The following ARHGAP29 variants were observed in gnomAD, a reference collection of about 807,000 sequenced individuals.
ARHGAP29 encodes Rho GTPase activating protein 29.
A neutral mutation model predicts 122.6 loss-of-function variants in ARHGAP29; 43 were observed. The observed-to-expected ratio is 0.35, with a 90% CI of 0.27 to 0.45. ARHGAP29 has a LOEUF of 0.45. ARHGAP29 is among the 20% of genes least tolerant of loss of function. The pLI is 1.00. For synonymous variants in ARHGAP29, 506 were observed against 497.1 expected, an observed-to-expected ratio of 1.02 and a Z score of -0.24; for missense variants, 1,303 against 1,477.2, an observed-to-expected ratio of 0.88 and a Z score of 1.93.
intron 22 of ARHGAP29, 25 bp downstream of exon 22, chr1:94,177,587 A>ATT: frequency 7.5e-6 from 10 of 1,331,988 alleles, no homozygotes; most frequent in South Asian, 5.6e-5. Flanking sequence ...CAGCAAACAT[A>ATT]TTTTTTTTTT....
At chr1:94,257,930 G>T (rs1654422153) in intron 1 of ARHGAP29, among the ~76,000 whole-genome samples, 1 of 152,126 alleles carries the variant, frequency 6.6e-6, no homozygotes, top group Non-Finnish European at 1.5e-5. Flanking sequence ...GCACTGATTT[G>T]ATAACTCACT....
chr1:94,237,302 GCCCCGCGGGCC>G, intron 1 of ARHGAP29, 102 bp downstream of exon 1: 60 of 745,498 alleles, frequency 8.0e-5, no homozygotes, highest in Non-Finnish European at 9.8e-5. Flanking sequence ...ACTCGGGGCC[GCCCCGCGGGCC>G]TCCCGGACCC....
chr1:94,238,772 C>T (rs1212611912), upstream of ARHGAP29, among the ~76,000 whole-genome samples: 1 of 152,086 alleles, frequency 6.6e-6, no homozygotes, highest in African/African-American at 2.4e-5. Context: ...AAAGGAGAGA[C>T]TACCCACTTA....
At chr1:94,303,854 A>T in the ARHGAP29 span, among the ~76,000 whole-genome samples, 1 of 152,176 alleles carries the variant, frequency 6.6e-6, no homozygotes, top group African/African-American at 2.4e-5. Context: ...ATTTTCTATT[A>T]TGCCATGTTA....
intron 3 of ARHGAP29, among the ~76,000 whole-genome samples, chr1:94,217,770 G>A (rs192354233): frequency 3.9e-5 from 6 of 152,026 alleles, no homozygotes; most frequent in East Asian, 1.9e-4. Context: ...GATTGCTTGC[G>A]TTCCGGAGTT....
the ARHGAP29 span, among the ~76,000 whole-genome samples, chr1:94,314,585 C>T: frequency 6.6e-6 from 1 of 152,178 alleles, no homozygotes; most frequent in Non-Finnish European, 1.5e-5. Context: ...CAGACAGACC[C>T]CTTTGCTGGC....
At chr1:94,215,142 A>G (rs966672480) in intron 3 of ARHGAP29, among the ~76,000 whole-genome samples, 10 of 151,212 alleles carry the variant, frequency 6.6e-5, no homozygotes, top group South Asian at 2.1e-4. Context: ...ATACATAGGG[A>G]AAAAAACCAA....
chr1:94,184,357 CAT>C (rs1347502177), intron 18 of ARHGAP29, 69 bp from the exon 19 acceptor site: 5 of 1,112,486 alleles, frequency 4.5e-6, no homozygotes, highest in Non-Finnish European at 6.4e-6. Context: ...CAGATATCTA[CAT>C]ATACTTGATT....
chr1:94,233,125 T>A (rs931870733), intron 1 of ARHGAP29, among the ~76,000 whole-genome samples: 1 of 150,618 alleles, frequency 6.6e-6, no homozygotes, highest in Non-Finnish European at 1.5e-5. Context: ...AAAAAAAAAT[T>A]TTTTTTTTGT....
At chr1:94,302,061 A>G in the ARHGAP29 span, 1 of 264,220 alleles carries the variant, frequency 3.8e-6, no homozygotes, top group South Asian at 5.1e-5. Flanking sequence ...AGGCCAGAGT[A>G]AATGGATTTG....
chr1:94,202,379 T>C, intron 11 of ARHGAP29, 165 bp downstream of exon 11: 1 of 739,726 alleles, frequency 1.4e-6, no homozygotes, highest in Non-Finnish European at 2.2e-6. Flanking sequence ...CCTGAGAGCC[T>C]ATTAAAAAAT....
At chr1:94,220,554 A>T (rs1411698) in intron 2 of ARHGAP29, among the ~76,000 whole-genome samples, 162 bp from the exon 3 acceptor site, 49,816 of 151,952 alleles carry the variant, frequency 0.33, 8,446 homozygotes, top group East Asian at 0.44. Context: ...TATACAATTT[A>T]AAAAGCCTTC....
At chr1:94,243,408 C>A (rs1653679891) in intron 1 of ARHGAP29, among the ~76,000 whole-genome samples, 2 of 152,000 alleles carry the variant, frequency 1.3e-5, no homozygotes, top group Admixed American at 1.3e-4. Flanking sequence ...GTCAGGAAAT[C>A]CCCAAATATT....
At chr1:94,270,213 A>G (rs1326636222) in intron 1 of ARHGAP29, among the ~76,000 whole-genome samples, 2 of 152,216 alleles carry the variant, frequency 1.3e-5, no homozygotes, top group African/African-American at 2.4e-5. Context: ...ATCAAGATTC[A>G]GGGATCTGCC....
At chr1:94,215,104 G>GAAAAAAAAA (rs199693229) in intron 3 of ARHGAP29, among the ~76,000 whole-genome samples, 1 of 83,672 alleles carries the variant, frequency 1.2e-5, no homozygotes, top group Non-Finnish European at 2.8e-5. Context: ...GCATGAAAAG[G>GAAAAAAAAA]AAAAAAAAAA....
At position 94,170,800 on chromosome 1, in the gene ARHGAP29, C is replaced by T. The variant is rs1341681027; in HGVS notation, c.*3069G>A. 6.6e-6 allele frequency among the ~76,000 whole-genome samples: 1 copy of T among 152,146 alleles called. No individual in the cohort carries two copies. The highest frequency in any genetic ancestry group is 2.4e-5 in the African/African-American group (1 of 41,422). On this transcript the variant is annotated 3_prime_UTR_variant, in exon 23 of 23. Transcript: ENST00000260526. ...TTAAATGCTTCCTGACATGGTCTAA[C>T]ATTTTCTCCATCAAGATCTTGTACA... is the stretch of plus-strand genomic sequence containing the variant.
rs1374051561 is a variant in ARHGAP29 at position 94,172,633 on chromosome 1, T to TA, written c.*1235dup. 8.3e-5 allele frequency: 9 copies of TA among 107,874 alleles called. No individual in the cohort carries two copies. In the East Asian group the frequency reaches 9.1e-4, roughly 11 times the overall value. The allele number at this position is 107,874 out of a possible 1,614,324, so 6.7% of individuals were successfully genotyped here. A position where few individuals can be genotyped will look rare whatever the true frequency, so the allele number is the denominator to read the frequency against. On this transcript the variant is annotated 3_prime_UTR_variant, in exon 23 of 23. Transcript: ENST00000260526. ...AGTTGATATATATATATATATATAT[T>TA]ATCAAGTATAACACAGTCATACAAA...
intron 3 of ARHGAP29, among the ~76,000 whole-genome samples, chr1:94,209,604 A>G (rs1157981912): frequency 6.6e-6 from 1 of 152,200 alleles, no homozygotes; most frequent in African/African-American, 2.4e-5. Flanking sequence ...TGACACATCT[A>G]AAAACTGACT....
intron 15 of ARHGAP29, among the ~76,000 whole-genome samples, chr1:94,188,549 G>C (rs1649946055): frequency 6.6e-6 from 1 of 152,056 alleles, no homozygotes; most frequent in South Asian, 2.1e-4. Flanking sequence ...ATTTAAAATA[G>C]CTAGAGAATG....
Sources: allele counts gnomAD v4.1 joint callset (sites outside exome capture counted in the v4.1 genomes callset), GRCh38; gene constraint gnomAD v4.1.1; transcripts MANE v1.5; gene names NCBI Gene and HGNC (gene_info 2026-07-23, HGNC 2026-07-21).